The following SP2 variants were observed in gnomAD, a reference collection of about 807,000 sequenced individuals.
SP2 encodes Sp2 transcription factor.
A neutral mutation model predicts 50.1 loss-of-function variants in SP2; 9 were observed. That is an observed-to-expected ratio of 0.18 (90% CI 0.11 to 0.31). SP2 has a LOEUF of 0.31. Ranked by LOEUF, SP2 falls within the 10% of genes least tolerant of loss-of-function variation. The pLI is 1.00. For missense variants in SP2, 581 were observed against 806.5 expected (o/e 0.72, Z 3.39); for synonymous variants, 313 against 326.6 (o/e 0.96, Z 0.45).
At chr17:47,912,254 C>T (rs146735736) in intron 1 of SP2, among the ~76,000 whole-genome samples, 3 of 152,254 alleles carry the variant, frequency 2.0e-5, no homozygotes, top group South Asian at 2.1e-4. Context: ...TGTAATATTA[C>T]GGGATCTGCA....
At chr17:47,900,216 G>C (rs1716747388) in intron 1 of SP2, 1 of 152,242 alleles carries the variant, frequency 6.6e-6, no homozygotes, top group East Asian at 1.9e-4. Context: ...TCTTTCTAGA[G>C]CCTTCTCTTT....
chr17:47,905,359 CTGTT>C (rs1247618653), intron 1 of SP2, among the ~76,000 whole-genome samples: 1 of 152,158 alleles, frequency 6.6e-6, no homozygotes, highest in Non-Finnish European at 1.5e-5. Flanking sequence ...AAGAGAAAGA[CTGTT>C]TGCACAGTGT....
chr17:47,913,269 G>C (rs550809748), intron 1 of SP2, among the ~76,000 whole-genome samples: 233 of 152,040 alleles, frequency 1.5e-3, no homozygotes, highest in African/African-American at 5.0e-3. Flanking sequence ...CCAGGCAGGA[G>C]TGTTTTGGCT....
At position 47,916,467 on chromosome 17, in the gene SP2, C is replaced by T; in HGVS notation, c.396C>T (p.Tyr132=). 3 of 1,613,990 alleles carry T rather than the reference C, an allele frequency of 1.9e-6. No individual in the cohort carries two copies. The highest frequency in any genetic ancestry group is 2.5e-6 in the Non-Finnish European group (3 of 1,180,022). ...CCCGATCAAATGCCAATATCCAGTA[C>T]CAGGCGGTCCCTCAGATTCAGGCAA... ...KGTRSNANIQ[Y]QAVPQIQASN... The change falls in exon 3 of 7, where the codon TAC becomes TAT. Residue 132 remains tyrosine, a synonymous_variant. Coordinates refer to ENST00000376741, the MANE Select transcript of SP2 (RefSeq NM_003110.6). The surrounding 1 kb of genome is among the most constrained non-coding windows in gnomAD (Gnocchi z 4.7).
intron 2 of SP2, among the ~76,000 whole-genome samples, chr17:47,915,686 A>G (rs1280011336): frequency 2.6e-5 from 4 of 152,166 alleles, no homozygotes; most frequent in Non-Finnish European, 5.9e-5. Context: ...CCCAGTCTAT[A>G]AAGTTACATG....
chr17:47,909,024 A>G (rs986658272), intron 1 of SP2, among the ~76,000 whole-genome samples: 1 of 152,154 alleles, frequency 6.6e-6, no homozygotes, highest in African/African-American at 2.4e-5. Flanking sequence ...CTCTTGTGTT[A>G]ACTAAAATCT....
At chr17:47,924,043 C>T (rs778232712) in intron 4 of SP2, among the ~76,000 whole-genome samples, 71 of 152,202 alleles carry the variant, frequency 4.7e-4, no homozygotes, top group Non-Finnish European at 8.1e-4. Context: ...TTGCTTTTCC[C>T]TCTTGAGGTG....
At chr17:47,926,951 A>G (rs992159494) in intron 6 of SP2, among the ~76,000 whole-genome samples, 1 of 151,988 alleles carries the variant, frequency 6.6e-6, no homozygotes, top group African/African-American at 2.4e-5. Flanking sequence ...GACAGGTCCT[A>G]CTCCCCAAAA....
chr17:47,927,737 C>T lies in SP2; in HGVS notation c.1755C>T (p.Phe585=), dbSNP rs559106472. 2.7e-5 allele frequency: 43 copies of T among 1,584,946 alleles called. No individual in the cohort carries two copies. The South Asian group carries it at 3.5e-4, about 13-fold the overall frequency. ...TCCTCTTCCCAGGGGACAAACGCTT[C>T]GAGTGCGCCCAGTGTCAGAAGCGCT... ...HARTHTGDKR[F]ECAQCQKRFM... Residue 585 remains phenylalanine (F), a synonymous_variant, in exon 7 of 7, where the codon TTC becomes TTT. Coordinates refer to ENST00000376741, the MANE Select transcript of SP2 (RefSeq NM_003110.6).
In SP2 at chr17:47,896,273, A is replaced by C. The variant is rs564899334; in HGVS notation, c.-14A>C. ...GCGGCGGAGGCGGCGGAGGCCAGGG[A>C]GGAAGATGTCGTAATGAGCGGTGGG... On this transcript the variant is annotated 5_prime_UTR_variant, in exon 1 of 7. Coordinates refer to ENST00000376741, the MANE Select transcript of SP2 (RefSeq NM_003110.6). The C allele has an allele frequency of 8.1e-7, 1 of 1,239,444 alleles. No homozygotes were observed. Among genetic ancestry groups the C allele is most frequent in the Admixed American group, 4.2e-5 (1 of 23,736 alleles). The allele number at this position is 1,239,444 out of a possible 1,614,324, so 76.8% of individuals were successfully genotyped here.
intron 1 of SP2, among the ~76,000 whole-genome samples, chr17:47,903,792 T>C (rs764458198): frequency 6.6e-6 from 1 of 151,452 alleles, no homozygotes; most frequent in Non-Finnish European, 1.5e-5. Context: ...AAACCCTGTC[T>C]GTCTCTACTA....
At chr17:47,922,270 A>C (rs2035488653) in intron 3 of SP2, among the ~76,000 whole-genome samples, 1 of 152,096 alleles carries the variant, frequency 6.6e-6, no homozygotes, top group Admixed American at 6.6e-5. Context: ...CCTCCCCGCT[A>C]CAAATGCCCT....
Position 47,928,062 on chromosome 17 carries a change from T to C in SP2, c.*238T>C, listed in dbSNP as rs2035719322. ...CCCGGCCTGCCCAGACTGTGGACAC[T>C]GGCCGTGCCCAATGAGACGTTCTAA... On this transcript the variant is annotated 3_prime_UTR_variant, in exon 7 of 7. Transcript: ENST00000376741. 1 of 499,586 alleles carries C rather than the reference T, an allele frequency of 2.0e-6. No homozygotes were observed. Among genetic ancestry groups the C allele is most frequent in the Admixed American group, 3.4e-5 (1 of 29,372 alleles). The allele number at this position is 499,586 out of a possible 1,614,324, so 30.9% of individuals were successfully genotyped here.
intron 3 of SP2, among the ~76,000 whole-genome samples, chr17:47,920,212 T>C (rs552373625): frequency 2.9e-4 from 44 of 152,124 alleles, no homozygotes; most frequent in Admixed American, 2.0e-3. Context: ...GCCTCCCGGG[T>C]TCAAGCGATT....
rs184089381 is a variant in SP2, at chr17:47,916,659, C to T, written c.588C>T (p.Ser196=). 66 of 1,613,906 alleles carry T rather than the reference C, an allele frequency of 4.1e-5. No homozygotes were observed. The African/African-American group carries it at 5.9e-4, about 14-fold the overall frequency. ...KSSTTTTPVQ[S]GANVVKLTGG... ...GTACGACCACCACCCCCGTGCAGAG[C>T]GGGGCCAATGTGGTGAAGCTGACAG... The change falls in exon 3 of 7, where the codon AGC becomes AGT. Residue 196 remains serine, a synonymous_variant. Coordinates refer to ENST00000376741, the MANE Select transcript of SP2 (RefSeq NM_003110.6). The surrounding 1 kb of genome is among the most constrained non-coding windows in gnomAD (Gnocchi z 4.7).
intron 1 of SP2, among the ~76,000 whole-genome samples, chr17:47,911,401 C>T (rs984160294): frequency 1.3e-5 from 2 of 150,360 alleles, no homozygotes; most frequent in Admixed American, 6.6e-5. Flanking sequence ...AAAAATTAGC[C>T]GGATGTAGTG....
chr17:47,905,056 G>C (rs1268895287), intron 1 of SP2, among the ~76,000 whole-genome samples: 2 of 152,182 alleles, frequency 1.3e-5, no homozygotes, highest in East Asian at 1.9e-4. Context: ...ACAGGCATGA[G>C]CCACCGTGCC....
intron 1 of SP2, among the ~76,000 whole-genome samples, chr17:47,903,524 G>A (rs897388141): frequency 1.6e-4 from 24 of 152,084 alleles, no homozygotes; most frequent in Admixed American, 9.8e-4. Flanking sequence ...AAAATTAGCC[G>A]GGCGTGGTGT....
chr17:47,927,631 T>C (rs567237102), intron 6 of SP2, 93 bp from the exon 7 acceptor site: 48 of 746,974 alleles, frequency 6.4e-5, no homozygotes, highest in African/African-American at 5.2e-4. Flanking sequence ...CATGTCAGCT[T>C]GATTGGGTGC....
Sources: allele counts gnomAD v4.1 joint callset (sites outside exome capture counted in the v4.1 genomes callset), GRCh38; gene constraint gnomAD v4.1.1; non-coding constraint Gnocchi (gnomAD v3.1); transcripts MANE v1.5; gene names NCBI Gene and HGNC (gene_info 2026-07-23, HGNC 2026-07-21).